Variants in PRKD1 observed in about 807,000 individuals in gnomAD.
PRKD1 encodes serine/threonine-protein kinase D1.
PRKD1 carries 63 observed loss-of-function variants against 95.9 expected under a neutral mutation model. The observed-to-expected ratio is 0.66, with a 90% CI of 0.54 to 0.81. PRKD1 has a LOEUF of 0.81. Among genes scored for constraint, PRKD1 ranks in the 30% least tolerant of loss-of-function variants. The pLI is 0.00. For synonymous variants in PRKD1, 425 were observed against 423.1 expected, an observed-to-expected ratio of 1.00 and a Z score of -0.05; for missense variants, 1,048 against 1,165.3, an observed-to-expected ratio of 0.90 and a Z score of 1.47.
intron 1 of PRKD1, among the ~76,000 whole-genome samples, chr14:29,844,660 T>TA (rs1892009687): frequency 6.6e-6 from 1 of 152,192 alleles, no homozygotes; most frequent in Non-Finnish European, 1.5e-5. Context: ...AAGCAATTTT[T>TA]ATCCCCATTT....
chr14:29,616,579 G>A (rs1878883429), intron 13 of PRKD1, among the ~76,000 whole-genome samples: 1 of 150,770 alleles, frequency 6.6e-6, no homozygotes, highest in Non-Finnish European at 1.5e-5. Context: ...AAGTAGCTGA[G>A]ACTACAGGTG....
At chr14:29,783,675 T>C (rs994157593) in intron 1 of PRKD1, among the ~76,000 whole-genome samples, 6 of 152,184 alleles carry the variant, frequency 3.9e-5, no homozygotes, top group Admixed American at 1.3e-4. Flanking sequence ...TTTTTCATAA[T>C]AGACATTCTA....
At chr14:29,858,358 A>C (rs1892583474) in intron 1 of PRKD1, among the ~76,000 whole-genome samples, 3 of 152,340 alleles carry the variant, frequency 2.0e-5, no homozygotes, top group South Asian at 4.1e-4. Context: ...CAAATTGTAC[A>C]TGCTCAGTAA....
intron 1 of PRKD1, among the ~76,000 whole-genome samples, chr14:29,762,494 C>T (rs948389125): frequency 2.0e-5 from 3 of 152,162 alleles, no homozygotes; most frequent in Non-Finnish European, 4.4e-5. Context: ...ATTCTACTTA[C>T]AAGATTCTTA....
At chr14:29,875,920 C>T (rs1044779290) in intron 1 of PRKD1, among the ~76,000 whole-genome samples, 1 of 152,194 alleles carries the variant, frequency 6.6e-6, no homozygotes, top group African/African-American at 2.4e-5. Context: ...TTCCCTCCCA[C>T]CTCTCTTTGA....
chr14:29,593,791 T>G (rs1483509604), intron 16 of PRKD1, among the ~76,000 whole-genome samples: 1 of 152,192 alleles, frequency 6.6e-6, no homozygotes, highest in Non-Finnish European at 1.5e-5. Context: ...TAGGTTTCTG[T>G]TATTTAAACA....
intron 1 of PRKD1, among the ~76,000 whole-genome samples, chr14:29,826,633 ATGTG>A (rs1206414588): frequency 9.2e-6 from 1 of 109,166 alleles, no homozygotes; most frequent in Non-Finnish European, 1.8e-5. Flanking sequence ...ACACATATAT[ATGTG>A]TGTGTGTATA....
At chr14:29,860,404 G>C (rs538602458) in intron 1 of PRKD1, among the ~76,000 whole-genome samples, 2 of 152,276 alleles carry the variant, frequency 1.3e-5, no homozygotes, top group African/African-American at 4.8e-5. Flanking sequence ...GGCAAGATAG[G>C]TGATATATCT....
At chr14:29,762,894 C>T (rs887863985) in intron 1 of PRKD1, among the ~76,000 whole-genome samples, 3 of 152,024 alleles carry the variant, frequency 2.0e-5, no homozygotes, top group Non-Finnish European at 4.4e-5. Context: ...CAGGCACATG[C>T]CACCACGCCC....
chr14:29,588,828 GTGTGTT>G (rs1178703434), intron 16 of PRKD1, among the ~76,000 whole-genome samples: 35 of 137,032 alleles, frequency 2.6e-4, no homozygotes, highest in African/African-American at 9.6e-4. Context: ...GTGTGTGTGT[GTGTGTT>G]TGTGTCACCA....
chr14:29,676,177 GTTTTTGTTT>G (rs1230752082), intron 2 of PRKD1, among the ~76,000 whole-genome samples: 25 of 104,762 alleles, frequency 2.4e-4, no homozygotes, highest in African/African-American at 8.4e-4. Context: ...AGTTCATTAC[GTTTTTGTTT>G]TTTTTTTTTT....
intron 16 of PRKD1, among the ~76,000 whole-genome samples, chr14:29,585,365 G>C (rs1249949597): frequency 6.6e-6 from 1 of 152,104 alleles, no homozygotes; most frequent in Non-Finnish European, 1.5e-5. Context: ...TTAGAGACTC[G>C]AGTCGGCATC....
intron 2 of PRKD1, among the ~76,000 whole-genome samples, chr14:29,691,354 A>C (rs765017901): frequency 1.3e-5 from 2 of 152,222 alleles, no homozygotes; most frequent in Non-Finnish European, 2.9e-5. Flanking sequence ...TGCTGGACCT[A>C]TAGAAATTGA....
intron 1 of PRKD1, among the ~76,000 whole-genome samples, chr14:29,800,024 TCA>T (rs1180852410): frequency 6.6e-6 from 1 of 152,174 alleles, no homozygotes; most frequent in Non-Finnish European, 1.5e-5. Flanking sequence ...GTTATGTGTC[TCA>T]CAGAGAAAAT....
intron 1 of PRKD1, among the ~76,000 whole-genome samples, chr14:29,773,003 C>T (rs765728119): frequency 9.2e-5 from 14 of 152,074 alleles, no homozygotes; most frequent in Non-Finnish European, 1.6e-4. Flanking sequence ...TATTGGCACT[C>T]GGTGACTTAA....
intron 1 of PRKD1, among the ~76,000 whole-genome samples, chr14:29,764,851 T>A (rs1888185268): frequency 6.6e-6 from 1 of 152,186 alleles, no homozygotes; most frequent in South Asian, 2.1e-4. Flanking sequence ...ATTTGAACTT[T>A]TACCTGGATG....
chr14:29,856,813 C>T (rs1350929732), intron 1 of PRKD1, among the ~76,000 whole-genome samples: 3 of 152,226 alleles, frequency 2.0e-5, no homozygotes, highest in Admixed American at 2.0e-4. Flanking sequence ...TCCACTGGAA[C>T]TCCTGCTCCA....
chr14:29,908,209 T>G (rs1894561873), intron 1 of PRKD1, among the ~76,000 whole-genome samples: 1 of 152,130 alleles, frequency 6.6e-6, no homozygotes, highest in African/African-American at 2.4e-5. Flanking sequence ...ATTATAATTC[T>G]GAAATAAAAA....
At chr14:29,589,107 A>T (rs904273321) in intron 16 of PRKD1, among the ~76,000 whole-genome samples, 5 of 152,112 alleles carry the variant, frequency 3.3e-5, no homozygotes, top group African/African-American at 1.2e-4. Context: ...GAAGGAAAAA[A>T]ATAGCAACTT....
Sources: allele counts gnomAD v4.1 joint callset (sites outside exome capture counted in the v4.1 genomes callset), GRCh38; gene constraint gnomAD v4.1.1; transcripts MANE v1.5; gene names NCBI Gene and HGNC (gene_info 2026-07-23, HGNC 2026-07-21).